ADCY5: variants seen among roughly 807,000 people sequenced by gnomAD.
ADCY5 encodes the protein adenylate cyclase 5, also known as adenylate cyclase type 5.
A neutral mutation model predicts 119.7 loss-of-function variants in ADCY5; 30 were observed. That is an observed-to-expected ratio of 0.25 (90% CI 0.19 to 0.34). The LOEUF (loss-of-function observed/expected upper bound fraction) is 0.34, where lower values mean the gene tolerates loss of function less well. ADCY5 is among the 10% of genes least tolerant of loss of function. ADCY5 has a pLI of 1.00. For synonymous variants in ADCY5, 753 were observed against 762.2 expected (o/e 0.99, Z 0.20); for missense variants, 1,324 against 1,775.2 (o/e 0.75, Z 4.57).
chr3:123,441,149 A>G lies in ADCY5; in HGVS notation c.1134+6263T>C, dbSNP rs535958807. 9.9e-4 allele frequency among the ~76,000 whole-genome samples: 151 copies of G among 152,264 alleles called. 1 individual carries two copies. The highest frequency in any genetic ancestry group is 3.4e-3 in the Middle Eastern group (1 of 294). On this transcript the variant is annotated intron_variant, in intron 1 of 20. Transcript: ENST00000462833. ...CTTGGCCAATGATCCCAAACCTAAG[A>G]GCTGGTCATCAAAATCACCTGGGGA...
chr3:123,364,838 A>G (rs182931212), intron 1 of ADCY5, among the ~76,000 whole-genome samples: 7 of 152,168 alleles, frequency 4.6e-5, no homozygotes, highest in Admixed American at 4.6e-4. Flanking sequence ...TATTTCTTTT[A>G]CTTCCTTTTT....
intron 19 of ADCY5, among the ~76,000 whole-genome samples, chr3:123,289,114 CAT>C (rs1285587422): frequency 5.3e-5 from 8 of 152,240 alleles, no homozygotes; most frequent in Admixed American, 1.3e-4. Flanking sequence ...GTCACTATCA[CAT>C]GATTCTTTAA....
At chr3:123,393,910 G>A (rs186037957) in intron 1 of ADCY5, among the ~76,000 whole-genome samples, 1 of 152,268 alleles carries the variant, frequency 6.6e-6, no homozygotes, top group Non-Finnish European at 1.5e-5. Context: ...GCTAAGGGCA[G>A]ATCATTTGAG....
At position 123,447,838 on chromosome 3, in the gene ADCY5, G is replaced by C; in HGVS notation, c.708C>G (p.Arg236=). 6.2e-7 allele frequency: 1 copy of C among 1,612,804 alleles called. No individual in the cohort carries two copies. Among genetic ancestry groups the C allele is most frequent in the Admixed American group, 1.7e-5 (1 of 60,012 alleles). ...LERLYQRYFF[R]LNQSSLTMLM... Reference sequence around the variant, plus strand: ...GCATGGTGAGGCTGCTCTGGTTCAGGCGGAAGAAGTAGCGCTGGTACAGCC... The same window carrying C: ...GCATGGTGAGGCTGCTCTGGTTCAGCCGGAAGAAGTAGCGCTGGTACAGCC... Residue 236 remains arginine, a synonymous_variant, in exon 1 of 21, where the codon CGC becomes CGG. Coordinates refer to ENST00000462833, the MANE Select transcript of ADCY5 (RefSeq NM_183357.3).
intron 1 of ADCY5, among the ~76,000 whole-genome samples, chr3:123,380,440 C>T (rs1943994153): frequency 6.6e-6 from 1 of 152,228 alleles, no homozygotes; most frequent in Non-Finnish European, 1.5e-5. Context: ...TAAACGATGT[C>T]CTACAAAACT....
Position 123,304,203 on chromosome 3 carries a change from G to T in ADCY5, c.2443-20C>A. 2 of 1,325,736 alleles carry T rather than the reference G, an allele frequency of 1.5e-6. No individual in the cohort carries two copies. Among genetic ancestry groups the T allele is most frequent in the East Asian group, 2.4e-5 (1 of 42,358 alleles). 82.1% of individuals were successfully genotyped at this position (1,325,736 alleles called of 1,614,324 possible). On this transcript the variant is annotated intron_variant, in intron 12 of 20. Transcript: ENST00000462833. Reference sequence around the variant, plus strand: ...GAAGAGCTAGGGTGGGGGCAGGGGTGGAGAGGGAGGGAGGGAGAGACGGAA... The same window carrying T: ...GAAGAGCTAGGGTGGGGGCAGGGGTTGAGAGGGAGGGAGGGAGAGACGGAA...
chr3:123,368,177 T>A (rs1291329037), intron 1 of ADCY5: 2 of 681,836 alleles, frequency 2.9e-6, no homozygotes, highest in African/African-American at 3.7e-5. Context: ...ATCTCTATAA[T>A]GGAGCTAATG....
intron 1 of ADCY5, among the ~76,000 whole-genome samples, chr3:123,420,487 T>TGCGCTAAGAA (rs1945281107): frequency 6.6e-6 from 1 of 152,020 alleles, no homozygotes. Flanking sequence ...GGCAGGAAGG[T>TGCGCTAAGAA]AGGGTGGGAG....
At chr3:123,380,054 C>T (rs1160823296) in intron 1 of ADCY5, among the ~76,000 whole-genome samples, 1 of 152,202 alleles carries the variant, frequency 6.6e-6, no homozygotes, top group Non-Finnish European at 1.5e-5. Context: ...CTCCTCCCAA[C>T]AACGGATGAG....
chr3:123,303,283 A>G, intron 13 of ADCY5, 64 bp from the exon 14 acceptor site: 1 of 1,540,804 alleles, frequency 6.5e-7, no homozygotes. Context: ...AGAGCAGCCC[A>G]GCCCACCAGG....
chr3:123,447,079 T>C (rs1221257350), intron 1 of ADCY5, among the ~76,000 whole-genome samples: 2 of 152,116 alleles, frequency 1.3e-5, no homozygotes, highest in African/African-American at 2.4e-5. Context: ...CTTTTGTATA[T>C]AGGAACAGAA....
chr3:123,297,303 G>A (rs1458907341), intron 16 of ADCY5, 50 bp downstream of exon 16: 2 of 1,602,054 alleles, frequency 1.2e-6, no homozygotes, highest in Non-Finnish European at 8.5e-7. Context: ...CTCCCTGTCT[G>A]CTCTGTGCTG....
intron 1 of ADCY5, among the ~76,000 whole-genome samples, chr3:123,387,301 G>A (rs953412582): frequency 2.6e-5 from 4 of 152,180 alleles, no homozygotes; most frequent in African/African-American, 9.7e-5. Flanking sequence ...CCTTGGTGAT[G>A]TTTGAGCCCA....
intron 1 of ADCY5, among the ~76,000 whole-genome samples, chr3:123,402,732 A>T (rs1314445583): frequency 3.3e-5 from 5 of 152,030 alleles, no homozygotes; most frequent in Non-Finnish European, 7.4e-5. Context: ...GGGTGCCTGT[A>T]GTCCCAGCTA....
At chr3:123,373,654 CT>C (rs1306407434) in intron 1 of ADCY5, among the ~76,000 whole-genome samples, 1 of 151,994 alleles carries the variant, frequency 6.6e-6, no homozygotes, top group African/African-American at 2.4e-5. Context: ...CTAAATTGCT[CT>C]TGTCAAAACA....
At chr3:123,386,986 G>A (rs1237340740) in intron 1 of ADCY5, among the ~76,000 whole-genome samples, 1 of 152,172 alleles carries the variant, frequency 6.6e-6, no homozygotes, top group Non-Finnish European at 1.5e-5. Context: ...CCATAAGAAA[G>A]TGCTGGACCT....
At chr3:123,373,541 C>A (rs1368197501) in intron 1 of ADCY5, among the ~76,000 whole-genome samples, 1 of 152,196 alleles carries the variant, frequency 6.6e-6, no homozygotes, top group Non-Finnish European at 1.5e-5. Flanking sequence ...GAAACGACTC[C>A]TTGCCCTGAA....
chr3:123,427,001 G>A (rs1209004310), intron 1 of ADCY5, among the ~76,000 whole-genome samples: 1 of 152,224 alleles, frequency 6.6e-6, no homozygotes, highest in East Asian at 1.9e-4. Flanking sequence ...GTCCCCTGGG[G>A]AAGAGGTGAT....
intron 1 of ADCY5, among the ~76,000 whole-genome samples, chr3:123,383,872 AACAC>A (rs1325174736): frequency 6.5e-5 from 9 of 138,040 alleles, no homozygotes; most frequent in Middle Eastern, 4.0e-3. Flanking sequence ...CACACACACA[AACAC>A]ACACACACTC....
Sources: gnomAD v4.1 joint callset for allele counts (sites outside exome capture counted in the v4.1 genomes callset) on GRCh38, gnomAD v4.1.1 for gene constraint, MANE v1.5 for transcripts, NCBI Gene and HGNC (gene_info 2026-07-23, HGNC 2026-07-21) for gene names.